DPY19L3: variants seen among roughly 807,000 people sequenced by gnomAD.
The protein encoded by DPY19L3 is protein C-mannosyl-transferase DPY19L3.
DPY19L3 carries 51 observed loss-of-function variants against 92.3 expected under a neutral mutation model. The observed-to-expected ratio is 0.55, with a 90% CI of 0.44 to 0.70. The LOEUF (loss-of-function observed/expected upper bound fraction) is 0.70, where lower values mean the gene tolerates loss of function less well. Ranked by LOEUF, DPY19L3 falls within the 30% of genes least tolerant of loss-of-function variation. DPY19L3 has a pLI of 0.00. For missense variants in DPY19L3, 706 were observed against 855.9 expected (o/e 0.82, Z 2.18); for synonymous variants, 309 against 315.2 (o/e 0.98, Z 0.21).
chr19:32,421,872 A>C (rs1968583702), intron 3 of DPY19L3, among the ~76,000 whole-genome samples: 1 of 152,112 alleles, frequency 6.6e-6, no homozygotes, highest in Non-Finnish European at 1.5e-5. Flanking sequence ...CATATTTGTT[A>C]AGAGATGGAA....
chr19:32,433,638 G>T (rs1434357630), intron 4 of DPY19L3, among the ~76,000 whole-genome samples: 1 of 152,122 alleles, frequency 6.6e-6, no homozygotes, highest in African/African-American at 2.4e-5. Flanking sequence ...GCCCAGGCTG[G>T]TCTCAAACTC....
chr19:32,426,752 G>C (rs1968778432), intron 3 of DPY19L3, among the ~76,000 whole-genome samples: 1 of 152,102 alleles, frequency 6.6e-6, no homozygotes, highest in Admixed American at 6.5e-5. Flanking sequence ...CCCGTGACAG[G>C]TATAATAATA....
chr19:32,422,929 G>A (rs1330620521), intron 3 of DPY19L3, among the ~76,000 whole-genome samples: 3 of 152,184 alleles, frequency 2.0e-5, no homozygotes, highest in Non-Finnish European at 4.4e-5. Context: ...CATGAATGAT[G>A]CCTAGAAAAT....
chr19:32,445,461 A>AAAAAAAAAAAAAAAC (rs1969466800), intron 8 of DPY19L3, among the ~76,000 whole-genome samples: 2 of 149,008 alleles, frequency 1.3e-5, no homozygotes, highest in Admixed American at 1.4e-4. Flanking sequence ...AAAAAAAAAA[A>AAAAAAAAAAAAAAAC]CCATCAACCT....
At chr19:32,418,874 ATGTTTGTTGTAT>A (rs1374724624) in intron 3 of DPY19L3, among the ~76,000 whole-genome samples, 1 of 152,206 alleles carries the variant, frequency 6.6e-6, no homozygotes, top group African/African-American at 2.4e-5. Flanking sequence ...GATTTTTTAA[ATGTTTGTTGTAT>A]TGTTTGTATA....
intron 3 of DPY19L3, among the ~76,000 whole-genome samples, chr19:32,415,443 TAG>T (rs1259654124): frequency 1.3e-5 from 2 of 152,144 alleles, no homozygotes; most frequent in Admixed American, 6.5e-5. Context: ...TCAGCCTGGC[TAG>T]AGAGTACAAG....
Position 32,467,464 on chromosome 19 carries a change from C to G in DPY19L3, c.1615-1267C>G. 3 of 987,420 alleles carry G rather than the reference C, an allele frequency of 3.0e-6. No individual in the cohort carries two copies. The South Asian group carries it at 1.4e-4, about 46-fold the overall frequency. The allele number at this position is 987,420 out of a possible 1,614,324, so 61.2% of individuals were successfully genotyped here. ...TCAGTAATTTTTACTACATCTCTTC[C>G]AAAAACTAGAACCAGAAGTCCTGAC... On this transcript the variant is annotated intron_variant, in intron 15 of 18. Coordinates refer to ENST00000392250, the MANE Select transcript of DPY19L3 (RefSeq NM_001172774.2).
At chr19:32,446,334 A>G (rs1031092552) in intron 8 of DPY19L3, among the ~76,000 whole-genome samples, 1 of 151,074 alleles carries the variant, frequency 6.6e-6, no homozygotes, top group African/African-American at 2.5e-5. Context: ...AGGAATTAGA[A>G]GCAAGCAAAC....
chr19:32,472,335 C>G (rs766924130), intron 16 of DPY19L3, among the ~76,000 whole-genome samples: 11 of 152,010 alleles, frequency 7.2e-5, no homozygotes, highest in Non-Finnish European at 1.6e-4. Flanking sequence ...CTGCGGTAGC[C>G]CCAGCCGCCT....
At chr19:32,420,612 G>A (rs1352908032) in intron 3 of DPY19L3, among the ~76,000 whole-genome samples, 1 of 151,994 alleles carries the variant, frequency 6.6e-6, no homozygotes, top group Non-Finnish European at 1.5e-5. Flanking sequence ...ACCGTGCCCA[G>A]CTAACTTTTG....
intron 3 of DPY19L3, among the ~76,000 whole-genome samples, chr19:32,427,558 G>A (rs1304034898): frequency 6.6e-6 from 1 of 152,152 alleles, no homozygotes; most frequent in Admixed American, 6.5e-5. Flanking sequence ...AATAGATAGG[G>A]GTAATCCACA....
chr19:32,468,389 C>T (rs1214312565), intron 15 of DPY19L3: 2 of 1,018,012 alleles, frequency 2.0e-6, no homozygotes, highest in Non-Finnish European at 1.2e-6. Flanking sequence ...TGAACTTTCT[C>T]ATGGTTGGCA....
chr19:32,406,431 C>T (rs1967951643), intron 1 of DPY19L3: 1 of 152,232 alleles, frequency 6.6e-6, no homozygotes, highest in South Asian at 2.1e-4. Context: ...GTTATCACGG[C>T]TCACTGCAAC....
At chr19:32,439,057 G>C in intron 6 of DPY19L3, 55 bp from the exon 7 acceptor site, 1 of 1,553,942 alleles carries the variant, frequency 6.4e-7, no homozygotes, top group Non-Finnish European at 8.7e-7. Flanking sequence ...GGAAGTCTTC[G>C]AGGAAATTAT....
chr19:32,423,654 A>G (rs569026326), intron 3 of DPY19L3, among the ~76,000 whole-genome samples: 1 of 152,180 alleles, frequency 6.6e-6, no homozygotes, highest in Admixed American at 6.5e-5. Flanking sequence ...TATAATGCAT[A>G]ATAATAACAT....
At chr19:32,476,359 G>A (rs922317050) in intron 16 of DPY19L3, among the ~76,000 whole-genome samples, 2 of 151,884 alleles carry the variant, frequency 1.3e-5, no homozygotes, top group Middle Eastern at 3.2e-3. Context: ...TTTTAGTTCA[G>A]TCCAGCAGGC....
rs186048939 is a variant in DPY19L3, at chr19:32,452,596, C to G, written c.856-549C>G. Among the ~76,000 whole-genome samples, 4 of 152,372 alleles carry G rather than the reference C, an allele frequency of 2.6e-5. No homozygotes were observed. The East Asian group carries it at 7.7e-4, about 29-fold the overall frequency. On this transcript the variant is annotated intron_variant, in intron 8 of 18. Transcript: ENST00000392250. ...CTGCTGTTGTTTACTTCCTCTACTT[C>G]ATATCATCCCTCTTTACTTCCCCTT...
At position 32,483,582 on chromosome 19, in the gene DPY19L3, A is replaced by C. The variant is rs536752456; in HGVS notation, c.*1342A>C. 3.3e-5 allele frequency: 5 copies of C among 152,592 alleles called. No individual in the cohort carries two copies. Among genetic ancestry groups the C allele is most frequent in the Non-Finnish European group, 5.9e-5 (4 of 68,034 alleles). The allele number at this position is 152,592 out of a possible 1,614,324, so 9.5% of individuals were successfully genotyped here. Reference sequence around the variant, plus strand: ...TTACCATAGGCATCAAGATGGCTGCATCACATTTTCAAATGATTTTATATT... The same window carrying C: ...TTACCATAGGCATCAAGATGGCTGCCTCACATTTTCAAATGATTTTATATT... On this transcript the variant is annotated 3_prime_UTR_variant, in exon 19 of 19. Transcript: ENST00000392250.
At chr19:32,434,429 G>C (rs1341237254) in intron 4 of DPY19L3, among the ~76,000 whole-genome samples, 1 of 152,194 alleles carries the variant, frequency 6.6e-6, no homozygotes, top group Non-Finnish European at 1.5e-5. Context: ...GGCCGAGGCG[G>C]ATGGATCACC....
Sources: gnomAD v4.1 joint callset for allele counts (sites outside exome capture counted in the v4.1 genomes callset) on GRCh38, gnomAD v4.1.1 for gene constraint, MANE v1.5 for transcripts, NCBI Gene and HGNC (gene_info 2026-07-23, HGNC 2026-07-21) for gene names.